The following DMBT1 variants were observed in gnomAD, a reference collection of about 807,000 sequenced individuals.
The protein encoded by DMBT1 is scavenger receptor cysteine-rich domain-containing protein DMBT1.
Under a neutral mutation model 252.9 loss-of-function variants are expected in DMBT1, and 198 were observed. The observed-to-expected ratio is 0.78, with a 90% CI of 0.70 to 0.88. DMBT1 has a LOEUF of 0.88. Among genes scored for constraint, DMBT1 ranks in the 40% least tolerant of loss-of-function variants. The probability of loss-of-function intolerance (pLI) is 0.00; values close to 1 mark genes in which losing one functional copy is unlikely to be tolerated. For missense variants in DMBT1, 2,432 were observed against 2,404.7 expected, an observed-to-expected ratio of 1.01 and a Z score of -0.24; for synonymous variants, 990 against 942.7, an observed-to-expected ratio of 1.05 and a Z score of -0.92.
At chr10:122,572,279 A>G (rs367892732) in intron 4 of DMBT1, 35 bp from the exon 5 acceptor site, 20 of 1,612,324 alleles carry the variant, frequency 1.2e-5, no homozygotes, top group Non-Finnish European at 1.6e-5. Flanking sequence ...AGCAAGGGCT[A>G]CCATCAATGA....
At chr10:122,576,219 C>T (rs1278033717) in intron 6 of DMBT1, among the ~76,000 whole-genome samples, 180 bp from the exon 7 acceptor site, 1 of 152,174 alleles carries the variant, frequency 6.6e-6, no homozygotes, top group Non-Finnish European at 1.5e-5. Flanking sequence ...GGGTTTGGGC[C>T]AAGCAGTCAC....
chr10:122,620,334 T>C, intron 43 of DMBT1, 43 bp downstream of exon 43: 1 of 1,601,400 alleles, frequency 6.2e-7, no homozygotes, highest in Non-Finnish European at 8.5e-7. Flanking sequence ...ACTCTCTACC[T>C]CTGGACAAAC....
chr10:122,637,211 G>T lies in DMBT1; in HGVS notation c.6841G>T (p.Val2281Phe), dbSNP rs1233532401. The T allele has an allele frequency of 5.0e-6, 8 of 1,613,986 alleles. No individual in the cohort carries two copies. The East Asian group carries it at 1.6e-4, about 31-fold the overall frequency. ...CTTGGGCTTTTCTGCCAGTGACCTT[G>T]TCATTTCCACCTGGAATGGATACTA... ...QSLGFSASDLVISTWNGYYEC... is the reference protein window; with the variant it reads ...QSLGFSASDLFISTWNGYYEC... The change falls in exon 54 of 56, where the codon GTC (valine) becomes TTC (phenylalanine). Residue 2281 changes from valine to phenylalanine, a missense_variant. By Grantham distance (50) the Val-to-Phe change is conservative. This residue lies in a region of DMBT1 where 1,162 missense variants were observed against 1,169.0 expected (regional missense o/e 0.99). Coordinates refer to ENST00000338354, the MANE Select transcript of DMBT1 (RefSeq NM_001377530.1).
At chr10:122,569,201 G>A (rs1349488757) in intron 2 of DMBT1, among the ~76,000 whole-genome samples, 3 of 152,074 alleles carry the variant, frequency 2.0e-5, no homozygotes, top group Non-Finnish European at 4.4e-5. Context: ...GCAGCATCAC[G>A]ACCACCCCCG....
intron 16 of DMBT1, 87 bp downstream of exon 16, chr10:122,586,470 C>G: frequency 2.0e-6 from 3 of 1,518,328 alleles, no homozygotes; most frequent in East Asian, 2.4e-5. Flanking sequence ...TCACTTAGAG[C>G]TTTTTCAACT....
intron 1 of DMBT1, 76 bp downstream of exon 1, chr10:122,560,907 C>A: frequency 8.8e-7 from 1 of 1,141,612 alleles, no homozygotes; most frequent in Non-Finnish European, 1.3e-6. Flanking sequence ...CTACTACTTT[C>A]CATTACAAGG....
intron 1 of DMBT1, among the ~76,000 whole-genome samples, chr10:122,563,584 C>T (rs1282920152): frequency 5.3e-4 from 3 of 5,634 alleles, no homozygotes; most frequent in Non-Finnish European, 1.2e-3. Context: ...GAGACTCTGT[C>T]TCAAAAAAAA....
intron 40 of DMBT1, among the ~76,000 whole-genome samples, chr10:122,617,545 C>A (rs1474453197): frequency 1.3e-5 from 2 of 151,566 alleles, no homozygotes; most frequent in South Asian, 4.2e-4. Context: ...GCTGGGACCT[C>A]TTTCCTGGCC....
chr10:122,577,209 G>T (rs990650102), intron 7 of DMBT1, among the ~76,000 whole-genome samples: 2 of 152,214 alleles, frequency 1.3e-5, no homozygotes, highest in East Asian at 3.8e-4. Context: ...GGGACAGCAC[G>T]TTTTGGGGAT....
chr10:122,631,051 T>C lies in DMBT1; in HGVS notation c.6116T>C (p.Val2039Ala). 1 of 1,613,764 alleles carries C rather than the reference T, an allele frequency of 6.2e-7. No homozygotes were observed. Among genetic ancestry groups the C allele is most frequent in the Non-Finnish European group, 8.5e-7 (1 of 1,179,784 alleles). The change falls in exon 49 of 56, where the codon GTT becomes GCT. Residue 2039 changes from valine (V) to alanine (A), a missense_variant. Around this residue, in one of 3 missense-constraint regions of DMBT1, gnomAD observed 1,162 missense variants for 1,169.0 expected, o/e 0.99. Transcript: ENST00000338354. ...EIYHGGTWGT[V>A]CDDSWTIQEA... ...TACCATGGTGGCACCTGGGGGACAG[T>C]TTGTGATGACTCCTGGACCATTCAG...
In DMBT1 at chr10:122,637,247, C is replaced by T. The variant is rs774353798; in HGVS notation, c.6877C>T (p.Pro2293Ser). 15 of 1,613,998 alleles carry T rather than the reference C, an allele frequency of 9.3e-6. No homozygotes were observed. The highest frequency in any genetic ancestry group is 1.6e-4 in the Middle Eastern group (1 of 6,062). ...STWNGYYECR[P>S]QITPNLVIFT... is the part of the protein sequence containing the mutation. ...CTGGAATGGATACTACGAGTGTCGG[C>T]CCCAGATAACGCCGAACCTGGTGAT... Residue 2293 changes from proline (P) to serine (S), a missense_variant, in exon 54 of 56, where the codon CCC becomes TCC. Around this residue, in one of 3 missense-constraint regions of DMBT1, gnomAD observed 1,162 missense variants for 1,169.0 expected, o/e 0.99. Transcript: ENST00000338354.
chr10:122,630,950 G>A lies in DMBT1; in HGVS notation c.6026-11G>A, dbSNP rs1446270538. 6.3e-7 allele frequency: 1 copy of A among 1,586,084 alleles called. No homozygotes were observed. The highest frequency in any genetic ancestry group is 8.6e-7 in the Non-Finnish European group (1 of 1,161,750). ...ACATGGCCATGATCTCTCAGTTAAT[G>A]TGTCTTTCAGATGCCACCTTGAGGT... is the stretch of plus-strand genomic sequence containing the variant. On this transcript the variant is annotated splice_polypyrimidine_tract_variant and intron_variant, in intron 48 of 55. Coordinates refer to ENST00000338354, the MANE Select transcript of DMBT1 (RefSeq NM_001377530.1).
chr10:122,567,567 C>T (rs2097607671), intron 2 of DMBT1, among the ~76,000 whole-genome samples: 1 of 152,182 alleles, frequency 6.6e-6, no homozygotes, highest in African/African-American at 2.4e-5. Flanking sequence ...ACAAGTTTCT[C>T]ATAATCTCAA....
intron 15 of DMBT1, among the ~76,000 whole-genome samples, chr10:122,585,511 C>A (rs189713696): frequency 6.8e-6 from 1 of 147,886 alleles, no homozygotes; most frequent in Non-Finnish European, 1.5e-5. Flanking sequence ...ACTTTTCTCC[C>A]GTGGAATCCT....
chr10:122,643,394 G>T lies in DMBT1; in HGVS notation c.7625G>T (p.Arg2542Leu). Reference protein sequence around the residue: ...QTPPRREEEPR With the variant: ...QTPPRREEEPL The stretch of plus-strand genomic sequence containing the variant: ...CCCCCACGCCGAGAAGAGGAGCCTC[G>T]GTAGGTGGTCGCTCTCAGACCCCAC... Residue 2542 changes from arginine to leucine, a missense_variant, in exon 56 of 56, where the codon CGG (arginine) becomes CTG (leucine). Physicochemically the swap from Arg to Leu is moderately radical, Grantham distance 102. This residue lies in a region of DMBT1 where 1,162 missense variants were observed against 1,169.0 expected (regional missense o/e 0.99). Transcript: ENST00000338354. 2 of 1,611,300 alleles carry T rather than the reference G, an allele frequency of 1.2e-6. No individual in the cohort carries two copies. Among genetic ancestry groups the T allele is most frequent in the South Asian group, 1.1e-5 (1 of 90,668 alleles).
intron 1 of DMBT1, among the ~76,000 whole-genome samples, chr10:122,561,059 C>T (rs1389867730): frequency 6.6e-6 from 1 of 152,098 alleles, no homozygotes; most frequent in Non-Finnish European, 1.5e-5. Context: ...GTCATTAAGT[C>T]AATGTTTTCA....
At position 122,592,571 on chromosome 10, in the gene DMBT1, G is replaced by A; in HGVS notation, c.2476G>A (p.Glu826Lys). ...GWLSHNCGHH[E>K]DAGVICSVSQ... is the part of the protein sequence containing the mutation. ...GCTCTCCCACAACTGTGGCCATCAT[G>A]AAGATGCTGGTGTCATCTGCTCAGG... Residue 826 changes from glutamate to lysine, a missense_variant, in exon 20 of 56, where the codon GAA becomes AAA. Physicochemically the swap from Glu to Lys is moderately conservative, Grantham distance 56 (BLOSUM62 1). This residue lies in a region of DMBT1 where 1,264 missense variants were observed against 1,082.2 expected (regional missense o/e 1.17). Coordinates refer to ENST00000338354, the MANE Select transcript of DMBT1 (RefSeq NM_001377530.1). 1 of 1,588,490 alleles carries A rather than the reference G, an allele frequency of 6.3e-7. No homozygotes were observed. The highest frequency in any genetic ancestry group is 1.3e-5 in the African/African-American group (1 of 74,686).
intron 40 of DMBT1, 91 bp downstream of exon 40, chr10:122,617,351 C>G (rs1255629368): frequency 6.8e-6 from 10 of 1,467,222 alleles, no homozygotes; most frequent in Non-Finnish European, 9.4e-6. Context: ...AGGTGGGCCC[C>G]TCTCTTTTCA....
At chr10:122,599,986 A>G in intron 26 of DMBT1, 78 bp from the exon 27 acceptor site, 1 of 1,568,692 alleles carries the variant, frequency 6.4e-7, no homozygotes, top group South Asian at 1.1e-5. Context: ...AGACTCGCCC[A>G]TTTCTTTCCC....
Sources: allele counts gnomAD v4.1 joint callset (sites outside exome capture counted in the v4.1 genomes callset), GRCh38; gene constraint gnomAD v4.1.1; regional missense constraint gnomAD v4.1.1; transcripts MANE v1.5; gene names NCBI Gene and HGNC (gene_info 2026-07-23, HGNC 2026-07-21).